Variants in TULP4 observed in about 807,000 individuals in gnomAD.
TULP4 encodes TUB like protein 4, also known as tubby-related protein 4.
In TULP4, 16 loss-of-function variants were observed where a neutral mutation model predicts 129.0. The ratio of observed to expected loss-of-function variants is 0.12; its 90% CI spans 0.08 to 0.19. The LOEUF (loss-of-function observed/expected upper bound fraction) is 0.19, where lower values mean the gene tolerates loss of function less well. Ranked by LOEUF, TULP4 falls within the 10% of genes least tolerant of loss-of-function variation. The pLI is 1.00. For synonymous variants in TULP4, 998 were observed against 854.0 expected (o/e 1.17, Z -2.94); for missense variants, 1,842 against 2,059.1 (o/e 0.89, Z 2.04).
At chr6:158,358,937 G>T (rs1323233771) in intron 1 of TULP4, among the ~76,000 whole-genome samples, 1 of 152,158 alleles carries the variant, frequency 6.6e-6, no homozygotes, top group Admixed American at 6.5e-5. Context: ...TGAGATTAGA[G>T]ACAGGCTGGG....
intron 13 of TULP4, among the ~76,000 whole-genome samples, chr6:158,505,678 G>C (rs938237364): frequency 6.6e-6 from 1 of 152,172 alleles, no homozygotes; most frequent in Non-Finnish European, 1.5e-5. Context: ...TGGGATGTAG[G>C]CACAGGAACT....
chr6:158,464,115 G>A (rs1779503084), intron 6 of TULP4, among the ~76,000 whole-genome samples: 1 of 152,156 alleles, frequency 6.6e-6, no homozygotes, highest in Non-Finnish European at 1.5e-5. Context: ...TATTTAAAGA[G>A]GTTTAGTCTG....
intron 1 of TULP4, among the ~76,000 whole-genome samples, chr6:158,411,054 G>A (rs934373964): frequency 1.1e-4 from 17 of 151,420 alleles, no homozygotes; most frequent in Admixed American, 8.5e-4. Context: ...AGGGAGCTGC[G>A]GTGGCTCCAG....
chr6:158,240,248 C>A (rs1369859008), intron 1 of TULP4, among the ~76,000 whole-genome samples: 1 of 72,292 alleles, frequency 1.4e-5, no homozygotes, highest in Non-Finnish European at 2.9e-5. Flanking sequence ...CCGGACGGGG[C>A]GGCTGGCCGG....
chr6:158,467,004 T>C (rs914857806), intron 6 of TULP4, among the ~76,000 whole-genome samples: 2 of 152,182 alleles, frequency 1.3e-5, no homozygotes, highest in African/African-American at 4.8e-5. Context: ...ACCCACCTGC[T>C]TACTTCACAG....
intron 1 of TULP4, among the ~76,000 whole-genome samples, chr6:158,335,849 C>G (rs139433895): frequency 6.6e-6 from 1 of 152,192 alleles, no homozygotes; most frequent in African/African-American, 2.4e-5. Context: ...CCCAACAACT[C>G]TCCAAGTTTG....
At chr6:158,380,683 C>G (rs827981) in intron 1 of TULP4, among the ~76,000 whole-genome samples, 100,970 of 151,224 alleles carry the variant, frequency 0.67, 34,182 homozygotes, top group Middle Eastern at 0.74. Flanking sequence ...TACCTGAGGT[C>G]AGGAGTTCGA....
chr6:158,289,667 A>T (rs906583683), intron 1 of TULP4, among the ~76,000 whole-genome samples: 9 of 151,678 alleles, frequency 5.9e-5, no homozygotes, highest in African/African-American at 2.2e-4. Flanking sequence ...TTCAGCCTTG[A>T]CCTCCTGGGC....
chr6:158,506,466 C>T (rs1780605238), intron 13 of TULP4, 112 bp from the exon 14 acceptor site: 12 of 758,046 alleles, frequency 1.6e-5, no homozygotes, highest in Non-Finnish European at 2.4e-5. Flanking sequence ...CTCCTGACGT[C>T]GTGATCTGCC....
At chr6:158,306,687 T>C (rs544148149) in intron 1 of TULP4, among the ~76,000 whole-genome samples, 3 of 152,378 alleles carry the variant, frequency 2.0e-5, no homozygotes, top group African/African-American at 4.8e-5. Context: ...AAAGGAACTT[T>C]TGTTTTTGTG....
intron 1 of TULP4, among the ~76,000 whole-genome samples, chr6:158,361,508 A>G (rs1303275908): frequency 6.6e-6 from 1 of 152,202 alleles, no homozygotes; most frequent in African/African-American, 2.4e-5. Flanking sequence ...CTGACTTTTT[A>G]TGACGTTTTT....
chr6:158,498,675 A>G lies in TULP4; in HGVS notation c.1877A>G (p.Tyr626Cys). ...FLPTNLGAVI[Y>C]KTSLLHLQPR... ...CCTTCTTTTTCCCCACCAGTAATCT[A>G]TAAAACCAGCCTCCTGCATCTCCAG... Residue 626 changes from tyrosine (Y) to cysteine (C), a missense_variant, in exon 12 of 14, where the codon TAT becomes TGT. Around this residue, in one of 5 missense-constraint regions of TULP4, gnomAD observed 99 missense variants for 165.1 expected, o/e 0.60. Transcript: ENST00000367097. 3 of 1,614,186 alleles carry G rather than the reference A, an allele frequency of 1.9e-6. No individual in the cohort carries two copies. The highest frequency in any genetic ancestry group is 2.5e-6 in the Non-Finnish European group (3 of 1,180,028).
At chr6:158,280,197 G>C (rs1383972073), upstream of TULP4, among the ~76,000 whole-genome samples, 3 of 152,054 alleles carry the variant, frequency 2.0e-5, no homozygotes, top group East Asian at 5.8e-4. Flanking sequence ...ATGGTAGCAA[G>C]ACCAGTGTAA....
chr6:158,486,211 A>G (rs56660750), intron 8 of TULP4, among the ~76,000 whole-genome samples: 34,942 of 151,982 alleles, frequency 0.23, 4,292 homozygotes, highest in Middle Eastern at 0.31. Flanking sequence ...GTTAGGACTT[A>G]CAGGGGGGAG....
chr6:158,338,748 G>C (rs1780104151), intron 1 of TULP4, among the ~76,000 whole-genome samples: 2 of 152,204 alleles, frequency 1.3e-5, no homozygotes. Flanking sequence ...GACCAGAGAG[G>C]GACCAGGTGG....
intron 2 of TULP4, among the ~76,000 whole-genome samples, chr6:158,426,732 A>G (rs1169264821): frequency 6.6e-6 from 1 of 152,174 alleles, no homozygotes; most frequent in African/African-American, 2.4e-5. Flanking sequence ...GAATTTAAAA[A>G]TAGTTTTTTT....
upstream of TULP4, among the ~76,000 whole-genome samples, chr6:158,308,656 C>T (rs1276612621): frequency 2.1e-4 from 30 of 142,790 alleles, no homozygotes; most frequent in African/African-American, 5.7e-4. Context: ...CCCTCTCGGA[C>T]GGGGCGGCTG....
intron 1 of TULP4, among the ~76,000 whole-genome samples, chr6:158,345,383 C>T (rs969015836): frequency 1.3e-5 from 2 of 152,210 alleles, no homozygotes; most frequent in South Asian, 4.1e-4. Flanking sequence ...CCTCCTTCCT[C>T]AGACTACTAT....
intron 1 of TULP4, among the ~76,000 whole-genome samples, chr6:158,328,210 G>A (rs1169160826): frequency 6.6e-6 from 1 of 151,056 alleles, no homozygotes; most frequent in Non-Finnish European, 1.5e-5. Context: ...CTAATATTGA[G>A]TATTTATTTT....
Sources: allele counts gnomAD v4.1 joint callset (sites outside exome capture counted in the v4.1 genomes callset), GRCh38; gene constraint gnomAD v4.1.1; regional missense constraint gnomAD v4.1.1; transcripts MANE v1.5; gene names NCBI Gene and HGNC (gene_info 2026-07-23, HGNC 2026-07-21).